NDST4: variants seen among roughly 807,000 people sequenced by gnomAD.
NDST4 encodes the protein N-deacetylase and N-sulfotransferase 4, also known as N-heparan sulfate sulfotransferase 4.
NDST4 carries 63 observed loss-of-function variants against 100.8 expected under a neutral mutation model. That is an observed-to-expected ratio of 0.62 (90% CI 0.51 to 0.77). The LOEUF is 0.77. NDST4 is among the 30% of genes least tolerant of loss of function. The pLI is 0.00. For missense variants in NDST4, 943 were observed against 1,018.4 expected (o/e 0.93, Z 1.01); for synonymous variants, 377 against 361.8 (o/e 1.04, Z -0.48).
intron 2 of NDST4, among the ~76,000 whole-genome samples, chr4:115,019,688 A>G (rs1727766761): frequency 6.6e-6 from 1 of 152,146 alleles, no homozygotes; most frequent in South Asian, 2.1e-4. Flanking sequence ...CCATGTTGCA[A>G]TTTAATTACC....
chr4:114,942,333 C>T (rs1361244557), intron 4 of NDST4, among the ~76,000 whole-genome samples: 2 of 152,064 alleles, frequency 1.3e-5, no homozygotes, highest in Non-Finnish European at 2.9e-5. Flanking sequence ...TTGTGGAAAT[C>T]AGATAGAAGT....
chr4:114,909,433 G>A (rs1725017830), intron 6 of NDST4, among the ~76,000 whole-genome samples: 1 of 151,650 alleles, frequency 6.6e-6, no homozygotes, highest in Admixed American at 6.6e-5. Context: ...GGCCGAGGCG[G>A]GTGGATCATG....
intron 1 of NDST4, among the ~76,000 whole-genome samples, chr4:115,088,374 G>A (rs1400228282): frequency 6.7e-6 from 1 of 149,938 alleles, no homozygotes; most frequent in Non-Finnish European, 1.5e-5. Context: ...CTCTCTTCTA[G>A]GGACTTTAAA....
In NDST4 at chr4:114,884,494, A is replaced by G. The variant is rs17679126; in HGVS notation, c.1537-13544T>C. The stretch of plus-strand genomic sequence containing the variant: ...AATGTAGCACATGTGAGAGTTCTCA[A>G]CAAACATATAACCATACATGTTCTG... On this transcript the variant is annotated intron_variant, in intron 6 of 13. Transcript: ENST00000264363. Among the ~76,000 whole-genome samples, 289 of 152,268 alleles carry G rather than the reference A, an allele frequency of 1.9e-3. 4 individuals carry two copies. The East Asian group carries it at 0.052, about 27-fold the overall frequency.
At chr4:114,987,320 T>C (rs1437203056) in intron 2 of NDST4, among the ~76,000 whole-genome samples, 1 of 152,166 alleles carries the variant, frequency 6.6e-6, no homozygotes. Flanking sequence ...TTGCATTTGT[T>C]GCAACTTTAA....
chr4:114,858,860 C>T (rs995812575), intron 7 of NDST4, among the ~76,000 whole-genome samples: 1 of 152,200 alleles, frequency 6.6e-6, no homozygotes, highest in Non-Finnish European at 1.5e-5. Flanking sequence ...AAAGCTAAAA[C>T]TCCTACCTGG....
intron 6 of NDST4, among the ~76,000 whole-genome samples, chr4:114,906,180 T>A (rs1480595722): frequency 6.6e-6 from 1 of 151,894 alleles, no homozygotes; most frequent in Non-Finnish European, 1.5e-5. Flanking sequence ...CATTTAGGAA[T>A]TCTATATTAA....
intron 9 of NDST4, among the ~76,000 whole-genome samples, chr4:114,846,425 A>C (rs1723551072): frequency 6.6e-6 from 1 of 152,264 alleles, no homozygotes; most frequent in Non-Finnish European, 1.5e-5. Context: ...TTCACAAGAC[A>C]GAAAAATGTG....
Position 114,970,583 on chromosome 4 carries a change from C to A in NDST4, c.1068G>T (p.Gly356=). The A allele has an allele frequency of 1.2e-6, 2 of 1,603,870 alleles. No individual in the cohort carries two copies. The highest frequency in any genetic ancestry group is 1.7e-6 in the Non-Finnish European group (2 of 1,175,022). ...CATCTCCTTCATCTTCCTCTTCAGT[C>A]CCTTTAAAACATAAAGTTAAAAATA... The part of the protein sequence containing the change: ...LGFSGKFYHT[G]TEEEDEGDDL... Residue 356 remains glycine, a splice_region_variant and synonymous_variant, in exon 4 of 14, where the codon GGG becomes GGT. Coordinates refer to ENST00000264363, the MANE Select transcript of NDST4 (RefSeq NM_022569.3).
Position 114,851,792 on chromosome 4 carries a change from C to G in NDST4, c.1816+933G>C, listed in dbSNP as rs149726338. On this transcript the variant is annotated intron_variant, in intron 8 of 13. Coordinates refer to ENST00000264363, the MANE Select transcript of NDST4 (RefSeq NM_022569.3). ...CATGTGTTAACTTACTGTTGTAATA[C>G]AATTTATATTCCTAGAGAAAGAAAA... Among the ~76,000 whole-genome samples, 500 of 152,216 alleles carry G rather than the reference C, an allele frequency of 3.3e-3. 2 individuals carry two copies. The highest frequency in any genetic ancestry group is 0.011 in the African/African-American group (460 of 41,544).
intron 4 of NDST4, among the ~76,000 whole-genome samples, chr4:114,949,821 TTATTGAGTAAGCAAGAAAG>T (rs1725949650): frequency 1.3e-5 from 2 of 152,132 alleles, no homozygotes; most frequent in African/African-American, 4.8e-5. Flanking sequence ...AACTTTGGCT[TTATTGAGTAAGCAAGAAAG>T]TAAACATTGG....
At chr4:114,932,751 A>G (rs943742847) in intron 6 of NDST4, among the ~76,000 whole-genome samples, 1 of 152,054 alleles carries the variant, frequency 6.6e-6, no homozygotes, top group Non-Finnish European at 1.5e-5. Flanking sequence ...TCAAAAAAAT[A>G]CTTAGGAATA....
At chr4:115,022,436 T>TATATATGTGTTCC (rs1560570167) in intron 2 of NDST4, among the ~76,000 whole-genome samples, 18 of 86,210 alleles carry the variant, frequency 2.1e-4, no homozygotes, top group Admixed American at 4.2e-4. Flanking sequence ...ATGTGTTCCA[T>TATATATGTGTTCC]ATATATGTGT....
rs192619910 is a variant in NDST4, at chr4:115,015,669, A to C, written c.979-38395T>G. Among the ~76,000 whole-genome samples the C allele has an allele frequency of 3.3e-5, 5 of 152,222 alleles. No individual in the cohort carries two copies. The East Asian group carries it at 9.7e-4, about 29-fold the overall frequency. ...TCAGCAGAGGAGGATTTTAATAACC[A>C]AGTAGATAGTACTAATTGTTCTATG... is the stretch of plus-strand genomic sequence containing the variant. On this transcript the variant is annotated intron_variant, in intron 2 of 13. Transcript: ENST00000264363.
chr4:114,880,471 A>G (rs2126200849), intron 6 of NDST4, among the ~76,000 whole-genome samples: 1 of 152,258 alleles, frequency 6.6e-6, no homozygotes, highest in Admixed American at 6.6e-5. Context: ...TCATAACCCC[A>G]GGAATAATCA....
intron 2 of NDST4, among the ~76,000 whole-genome samples, chr4:115,038,582 T>C (rs1014152283): frequency 6.6e-6 from 1 of 152,180 alleles, no homozygotes; most frequent in Non-Finnish European, 1.5e-5. Context: ...TATTGTGCAT[T>C]TGTAAAATGA....
At chr4:115,096,884 T>C (rs1297318700) in intron 1 of NDST4, among the ~76,000 whole-genome samples, 1 of 152,156 alleles carries the variant, frequency 6.6e-6, no homozygotes, top group African/African-American at 2.4e-5. Flanking sequence ...ATTTATTTTA[T>C]AAATGTCACC....
At chr4:114,929,120 C>CTATG (rs1560817149) in intron 6 of NDST4, among the ~76,000 whole-genome samples, 1 of 133,224 alleles carries the variant, frequency 7.5e-6, no homozygotes, top group Admixed American at 7.5e-5. Context: ...ATCCATCTAT[C>CTATG]TATCTATCTA....
intron 2 of NDST4, among the ~76,000 whole-genome samples, chr4:115,057,702 GCACACA>G (rs59805768): frequency 0.044 from 6,437 of 147,256 alleles, 348 homozygotes; most frequent in African/African-American, 0.13. Flanking sequence ...GCGTGCGCAC[GCACACA>G]CACACACACA....
Sources: allele counts gnomAD v4.1 joint callset (sites outside exome capture counted in the v4.1 genomes callset), GRCh38; gene constraint gnomAD v4.1.1; transcripts MANE v1.5; gene names NCBI Gene and HGNC (gene_info 2026-07-23, HGNC 2026-07-21).